The following FAM13C variants were observed in gnomAD, a reference collection of about 807,000 sequenced individuals.
FAM13C encodes family with sequence similarity 13 member C.
In FAM13C, 37 loss-of-function variants were observed where a neutral mutation model predicts 73.2. The observed-to-expected ratio is 0.51, with a 90% CI of 0.39 to 0.67. FAM13C has a LOEUF of 0.67. Among genes scored for constraint, FAM13C ranks in the 30% least tolerant of loss-of-function variants. The probability of loss-of-function intolerance (pLI) is 0.00; values close to 1 mark genes in which losing one functional copy is unlikely to be tolerated. For synonymous variants in FAM13C, 246 were observed against 260.9 expected (o/e 0.94, Z 0.55); for missense variants, 589 against 715.6 (o/e 0.82, Z 2.02).
intron 10 of FAM13C, among the ~76,000 whole-genome samples, chr10:59,255,463 A>G (rs189152873): frequency 1.3e-5 from 2 of 152,130 alleles, no homozygotes; most frequent in East Asian, 3.9e-4. Context: ...ATCCAAAGTG[A>G]CCGAACTCCT....
At chr10:59,284,736 A>C (rs1216312170) in intron 5 of FAM13C, among the ~76,000 whole-genome samples, 1 of 135,580 alleles carries the variant, frequency 7.4e-6, no homozygotes, top group African/African-American at 3.1e-5. Flanking sequence ...AAAACACCCC[A>C]CCTTCCACAC....
At chr10:59,358,033 C>A (rs1355910469) in intron 1 of FAM13C, among the ~76,000 whole-genome samples, 1 of 152,104 alleles carries the variant, frequency 6.6e-6, no homozygotes, top group African/African-American at 2.4e-5. Context: ...TAAACAAAGG[C>A]CACCCACAGA....
chr10:59,312,379 G>C (rs887703174), intron 4 of FAM13C, among the ~76,000 whole-genome samples: 2 of 152,102 alleles, frequency 1.3e-5, no homozygotes, highest in African/African-American at 4.8e-5. Context: ...AAAGAGTCAT[G>C]AGTCTCTATC....
At chr10:59,264,270 C>T (rs1017839647) in intron 8 of FAM13C, 104 bp from the exon 9 acceptor site, 2 of 746,278 alleles carry the variant, frequency 2.7e-6, no homozygotes, top group Non-Finnish European at 4.6e-6. Context: ...AGATGAGCTA[C>T]ACAAAGATAG....
chr10:59,254,353 T>C lies in FAM13C; in HGVS notation c.1327A>G (p.Thr443Ala). ...ATGCAAGTATCCTGACTTACAATTG[T>C]TGGAATAAGGGAAGGTGTTGACAAG... ...QILSTPSLIPTIQEEEDSDED... is the reference protein window; with the variant it reads ...QILSTPSLIPAIQEEEDSDED... Residue 443 changes from threonine to alanine, a missense_variant, in exon 11 of 14, where the codon ACA becomes GCA. By Grantham distance (58) the Thr-to-Ala change is moderately conservative. Transcript: ENST00000618804. 6.5e-7 allele frequency: 1 copy of C among 1,546,774 alleles called. No individual in the cohort carries two copies. Among genetic ancestry groups the C allele is most frequent in the African/African-American group, 1.4e-5 (1 of 72,148 alleles).
Position 59,265,335 on chromosome 10 carries a change from G to GGGGAA in FAM13C, c.943-1170_943-1169insTTCCC, listed in dbSNP as rs78422182. On this transcript the variant is annotated intron_variant, in intron 8 of 13. Coordinates refer to ENST00000618804, the MANE Select transcript of FAM13C (RefSeq NM_198215.4). ...AAGGGGTTTTGGCGGGGGGGGGGGG[G>GGGGAA]AATCCTGGTTTCAGGACCATGGACA... 1.0e-3 allele frequency among the ~76,000 whole-genome samples: 16 copies of GGGGAA among 16,058 alleles called. 2 individuals are homozygous for GGGGAA. The highest frequency in any genetic ancestry group is 3.7e-3 in the East Asian group (3 of 804). The allele number at this position is 16,058 out of a possible 152,430, so 10.5% of individuals were successfully genotyped here. A position where few individuals can be genotyped will look rare whatever the true frequency, so the allele number is the denominator to read the frequency against.
chr10:59,311,571 A>G (rs1278163725), intron 4 of FAM13C, among the ~76,000 whole-genome samples: 1 of 152,130 alleles, frequency 6.6e-6, no homozygotes, highest in Non-Finnish European at 1.5e-5. Context: ...AGTGGTTGTA[A>G]CCAATACTTC....
Position 59,334,844 on chromosome 10 carries a change from T to C in FAM13C, c.325-10738A>G, listed in dbSNP as rs577713217. Among the ~76,000 whole-genome samples the C allele has an allele frequency of 5.3e-5, 8 of 152,160 alleles. No homozygotes were observed. In the South Asian group the frequency reaches 1.0e-3, roughly 20 times the overall value. ...GTGCAGCACACCAACATGGCACATG[T>C]ATATATATGTAACTAACCTGCACGT... On this transcript the variant is annotated intron_variant, in intron 3 of 13. Transcript: ENST00000618804.
chr10:59,247,252 C>G lies in FAM13C; in HGVS notation c.*362G>C, dbSNP rs1335534770. On this transcript the variant is annotated 3_prime_UTR_variant, in exon 14 of 14. Transcript: ENST00000618804. The stretch of plus-strand genomic sequence containing the variant: ...TAAAATCATGCTCTTTTCCATACAT[C>G]AACATAAACAGTCTTTGGATACTAA... 1 of 178,422 alleles carries G rather than the reference C, an allele frequency of 5.6e-6. No individual in the cohort carries two copies. Among genetic ancestry groups the G allele is most frequent in the Non-Finnish European group, 1.2e-5 (1 of 86,510 alleles). The allele number at this position is 178,422 out of a possible 1,614,324, so 11.1% of individuals were successfully genotyped here.
At chr10:59,347,213 C>T (rs1211916088) in intron 3 of FAM13C, among the ~76,000 whole-genome samples, 1 of 152,128 alleles carries the variant, frequency 6.6e-6, no homozygotes, top group African/African-American at 2.4e-5. Flanking sequence ...TCTGTTCTAT[C>T]AGTAAATATA....
At chr10:59,266,145 G>A (rs1481151095) in intron 8 of FAM13C, among the ~76,000 whole-genome samples, 1 of 152,102 alleles carries the variant, frequency 6.6e-6, no homozygotes. Flanking sequence ...CCCTTTCTGG[G>A]CCTCAGCATC....
At chr10:59,272,186 A>G (rs947581567) in intron 6 of FAM13C, among the ~76,000 whole-genome samples, 1 of 152,214 alleles carries the variant, frequency 6.6e-6, no homozygotes, top group African/African-American at 2.4e-5. Flanking sequence ...TGCATAATTT[A>G]CCATGTGGCC....
chr10:59,247,668 T>C lies in FAM13C; in HGVS notation c.1704A>G (p.Lys568=), dbSNP rs778002770. ...TGATGAGGACCTCTAATAGTCTCAG[T>C]TTGGCTTTTATGTGCTTATATTCAT... is the stretch of plus-strand genomic sequence containing the variant. The part of the protein sequence containing the change: ...EYYEYKHIKA[K]LRLLEVLISK... The change falls in exon 14 of 14, where the codon AAA becomes AAG. Residue 568 remains lysine (K), a synonymous_variant. Coordinates refer to ENST00000618804, the MANE Select transcript of FAM13C (RefSeq NM_198215.4). The C allele has an allele frequency of 6.2e-7, 1 of 1,613,610 alleles. No homozygotes were observed. The highest frequency in any genetic ancestry group is 8.5e-7 in the Non-Finnish European group (1 of 1,179,716).
At chr10:59,352,513 A>G in intron 2 of FAM13C, 39 bp from the exon 3 acceptor site, 1 of 1,533,988 alleles carries the variant, frequency 6.5e-7, no homozygotes, top group African/African-American at 1.4e-5. Flanking sequence ...GTACCTTAAA[A>G]AAAGATGAAT....
chr10:59,253,690 T>A (rs902577119), intron 11 of FAM13C: 2 of 151,472 alleles, frequency 1.3e-5, no homozygotes, highest in Non-Finnish European at 3.0e-5. Flanking sequence ...TCAAAAAAAG[T>A]GGAAGTATAA....
chr10:59,342,067 A>G (rs143426322), intron 3 of FAM13C, among the ~76,000 whole-genome samples: 4 of 152,258 alleles, frequency 2.6e-5, no homozygotes, highest in Non-Finnish European at 5.9e-5. Context: ...TCATTTTAAC[A>G]CAGAAGCTGG....
intron 13 of FAM13C, among the ~76,000 whole-genome samples, chr10:59,248,572 C>T (rs915892050): frequency 6.6e-6 from 1 of 152,220 alleles, no homozygotes; most frequent in African/African-American, 2.4e-5. Flanking sequence ...GATAGCCAAT[C>T]GTTTTGAAAA....
chr10:59,252,873 C>G lies in FAM13C; in HGVS notation c.1458G>C (p.Arg486Ser). ...CTTTCTTTTCATCTGGTAAAAGGGC[C>G]CTAACAGGCTCAGTCTCATTAGAGT... The part of the protein sequence containing the change: ...LTYSNETEPV[R>S]ALLPDEKKEV... Residue 486 changes from arginine to serine, a missense_variant, in exon 12 of 14, where the codon AGG becomes AGC. Transcript: ENST00000618804. 1 of 1,614,048 alleles carries G rather than the reference C, an allele frequency of 6.2e-7. No homozygotes were observed. Among genetic ancestry groups the G allele is most frequent in the Non-Finnish European group, 8.5e-7 (1 of 1,180,002 alleles).
chr10:59,263,976 A>T (rs1255913691), intron 9 of FAM13C, 109 bp downstream of exon 9: 2 of 976,558 alleles, frequency 2.0e-6, no homozygotes, highest in Admixed American at 3.4e-5. Context: ...AGCAGAAAAC[A>T]AGGTGCAAGA....
Sources: allele counts gnomAD v4.1 joint callset (sites outside exome capture counted in the v4.1 genomes callset), GRCh38; gene constraint gnomAD v4.1.1; transcripts MANE v1.5; gene names NCBI Gene and HGNC (gene_info 2026-07-23, HGNC 2026-07-21).